GRIK1: variants seen among roughly 807,000 people sequenced by gnomAD.
The protein encoded by GRIK1 is glutamate receptor ionotropic, kainate 1.
A neutral mutation model predicts 105.7 loss-of-function variants in GRIK1; 69 were observed. That is an observed-to-expected ratio of 0.65 (90% confidence interval 0.54 to 0.80). The LOEUF (loss-of-function observed/expected upper bound fraction) is 0.80. GRIK1 is among the 30% of genes least tolerant of loss of function. GRIK1 has a pLI of 0.00. For missense variants in GRIK1, 1,109 were observed against 1,167.3 expected (o/e 0.95, Z 0.73); for synonymous variants, 438 against 431.3 (o/e 1.02, Z -0.19).
intron 1 of GRIK1, among the ~76,000 whole-genome samples, chr21:29,913,090 A>G (rs1304534253): frequency 6.6e-6 from 1 of 152,060 alleles, no homozygotes; most frequent in South Asian, 2.1e-4. Flanking sequence ...TATGAAAGCA[A>G]TTTTTCCTGT....
intron 16 of GRIK1, among the ~76,000 whole-genome samples, chr21:29,542,531 TATAGATAAAGCTCTGGGCAA>T (rs2089988810): frequency 1.3e-5 from 2 of 152,210 alleles, no homozygotes; most frequent in South Asian, 4.1e-4. Context: ...TTTTTTAAGT[TATAGATAAAGCTCTGGGCAA>T]GAATTGGATT....
chr21:29,684,082 C>T (rs926700613), intron 3 of GRIK1, among the ~76,000 whole-genome samples: 3 of 152,190 alleles, frequency 2.0e-5, no homozygotes, highest in Non-Finnish European at 2.9e-5. Flanking sequence ...GCTTTATTTT[C>T]CTTCATAACA....
At chr21:29,892,947 G>C (rs1404205248) in intron 1 of GRIK1, among the ~76,000 whole-genome samples, 1 of 152,198 alleles carries the variant, frequency 6.6e-6, no homozygotes, top group Non-Finnish European at 1.5e-5. Flanking sequence ...GCTTAGGCGG[G>C]TGGATCACCC....
At chr21:29,645,811 TATATCTAAAGCCTGG>T (rs1365077806) in intron 6 of GRIK1, among the ~76,000 whole-genome samples, 1 of 152,216 alleles carries the variant, frequency 6.6e-6, no homozygotes, top group Non-Finnish European at 1.5e-5. Flanking sequence ...ACATTTTATG[TATATCTAAAGCCTGG>T]ATGAAATCAC....
intron 1 of GRIK1, among the ~76,000 whole-genome samples, chr21:29,920,687 T>A (rs1194313325): frequency 6.6e-6 from 1 of 152,112 alleles, no homozygotes; most frequent in African/African-American, 2.4e-5. Flanking sequence ...TCCAGTGGCC[T>A]GCCTATAGCA....
At chr21:29,732,635 G>A (rs974113034) in intron 1 of GRIK1, among the ~76,000 whole-genome samples, 4 of 151,980 alleles carry the variant, frequency 2.6e-5, no homozygotes, top group African/African-American at 9.7e-5. Context: ...TTTACCCCAC[G>A]GATATCAATG....
intron 1 of GRIK1, among the ~76,000 whole-genome samples, chr21:29,694,504 C>T (rs371711345): frequency 5.3e-5 from 8 of 152,058 alleles, no homozygotes; most frequent in African/African-American, 1.9e-4. Context: ...AAATCCCGGG[C>T]TAAAAGTGAA....
rs112257832 is a variant in GRIK1, at chr21:29,557,747, C to T, written c.2357-2445G>A. Among the ~76,000 whole-genome samples the T allele has an allele frequency of 8.6e-3, 1,308 of 152,226 alleles. 22 individuals are homozygous for T. The highest frequency in any genetic ancestry group is 0.03 in the African/African-American group (1,226 of 41,540). ...TATTGGCTGTTTGCTTAAATATCCT[C>T]AGAATAATGGCTAGTGTAAAAATTA... On this transcript the variant is annotated intron_variant, in intron 15 of 17. Transcript: ENST00000327783.
chr21:29,802,105 G>A (rs1049242226), intron 1 of GRIK1, among the ~76,000 whole-genome samples: 2 of 152,126 alleles, frequency 1.3e-5, no homozygotes, highest in Non-Finnish European at 2.9e-5. Context: ...CCCCTCAACT[G>A]CCAGACACAT....
intron 1 of GRIK1, among the ~76,000 whole-genome samples, chr21:29,763,339 A>G (rs892765257): frequency 6.6e-6 from 1 of 150,948 alleles, no homozygotes; most frequent in Non-Finnish European, 1.5e-5. Context: ...CAGCCATATG[A>G]AATTGTGAGT....
chr21:29,865,171 A>G (rs892712000), intron 1 of GRIK1, among the ~76,000 whole-genome samples: 2 of 152,208 alleles, frequency 1.3e-5, no homozygotes, highest in Non-Finnish European at 2.9e-5. Flanking sequence ...ACAGTAGGTG[A>G]GTCAAATAAT....
At chr21:29,803,194 A>G (rs1013141977) in intron 1 of GRIK1, among the ~76,000 whole-genome samples, 2 of 152,126 alleles carry the variant, frequency 1.3e-5, no homozygotes, top group South Asian at 2.1e-4. Context: ...ATGTTCTTCT[A>G]TGTGAGATTT....
At chr21:29,618,647 T>A (rs2061906785) in intron 7 of GRIK1, among the ~76,000 whole-genome samples, 1 of 152,090 alleles carries the variant, frequency 6.6e-6, no homozygotes, top group Non-Finnish European at 1.5e-5. Flanking sequence ...AAAGAAAGTG[T>A]GATATATATA....
At chr21:29,756,889 G>C (rs766928873) in intron 1 of GRIK1, among the ~76,000 whole-genome samples, 1 of 152,102 alleles carries the variant, frequency 6.6e-6, no homozygotes, top group African/African-American at 2.4e-5. Flanking sequence ...CGAGGTGGGC[G>C]GATCGTCTGA....
intron 1 of GRIK1, among the ~76,000 whole-genome samples, chr21:29,864,761 C>T (rs468696): frequency 0.34 from 51,001 of 151,966 alleles, 9,566 homozygotes; most frequent in African/African-American, 0.5. Flanking sequence ...TGTTGTCCAT[C>T]AGTTCTTAAG....
At chr21:29,868,534 T>G (rs1569175319) in intron 1 of GRIK1, among the ~76,000 whole-genome samples, 1 of 151,990 alleles carries the variant, frequency 6.6e-6, no homozygotes, top group Non-Finnish European at 1.5e-5. Flanking sequence ...CTTCCTGGCT[T>G]TTTTAGAAAT....
Position 29,939,596 on chromosome 21 carries a change from G to T in GRIK1, c.-96C>A. 4 of 723,554 alleles carry T rather than the reference G, an allele frequency of 5.5e-6. No homozygotes were observed. In the South Asian group the frequency reaches 5.6e-5, roughly 10 times the overall value. 44.8% of individuals were successfully genotyped at this position (723,554 alleles called of 1,614,324 possible). On this transcript the variant is annotated 5_prime_UTR_variant, in exon 1 of 18. Transcript: ENST00000327783. Reference sequence around the variant, plus strand: ...CCGGGTCCCCGCCTCATCCTCTCTGGATGCTCCGGTTCCAAGCACGCTGCG... The same window carrying T: ...CCGGGTCCCCGCCTCATCCTCTCTGTATGCTCCGGTTCCAAGCACGCTGCG...
At chr21:29,905,836 C>G (rs539783389) in intron 1 of GRIK1, among the ~76,000 whole-genome samples, 1 of 152,070 alleles carries the variant, frequency 6.6e-6, no homozygotes, top group Non-Finnish European at 1.5e-5. Context: ...CCATGTTGGC[C>G]AGGCTGGACT....
chr21:29,817,265 T>C (rs1343989889), intron 1 of GRIK1, among the ~76,000 whole-genome samples: 1 of 152,186 alleles, frequency 6.6e-6, no homozygotes, highest in East Asian at 1.9e-4. Flanking sequence ...CATGAGTACA[T>C]AAAACTACTC....
Sources: gnomAD v4.1 joint callset for allele counts (sites outside exome capture counted in the v4.1 genomes callset) on GRCh38, gnomAD v4.1.1 for gene constraint, MANE v1.5 for transcripts, NCBI Gene and HGNC (gene_info 2026-07-23, HGNC 2026-07-21) for gene names.